The following ALOXE3 variants were observed in gnomAD, a reference collection of about 807,000 sequenced individuals.
ALOXE3 encodes the protein arachidonate epidermal lipoxygenase 3.
Under a neutral mutation model 87.5 loss-of-function variants are expected in ALOXE3, and 78 were observed. The ratio of observed to expected loss-of-function variants is 0.89; its 90% CI spans 0.74 to 1.08. The LOEUF (loss-of-function observed/expected upper bound fraction) is 1.08. Among genes scored for constraint, ALOXE3 ranks in the 50% least tolerant of loss-of-function variants. ALOXE3 has a pLI of 0.00. For missense variants in ALOXE3, 946 were observed against 912.4 expected, an observed-to-expected ratio of 1.04 and a Z score of -0.47; for synonymous variants, 363 against 370.8, an observed-to-expected ratio of 0.98 and a Z score of 0.24.
intron 2 of ALOXE3, 46 bp downstream of exon 2, chr17:8,117,797 GC>G: frequency 6.3e-7 from 1 of 1,594,018 alleles, no homozygotes. Context: ...CCCGCCTGCG[GC>G]CCCTGCCCCT....
At chr17:8,105,520 T>C (rs1322995098) in intron 13 of ALOXE3, among the ~76,000 whole-genome samples, 1 of 152,190 alleles carries the variant, frequency 6.6e-6, no homozygotes, top group African/African-American at 2.4e-5. Flanking sequence ...TCCAAAAGAA[T>C]GTTAAGCTCA....
At chr17:8,104,324 C>A (rs961801174) in intron 13 of ALOXE3, 109 bp from the exon 14 acceptor site, 19 of 813,994 alleles carry the variant, frequency 2.3e-5, no homozygotes, top group Non-Finnish European at 3.7e-5. Context: ...GTAGGGAACA[C>A]CGAGCCATGA....
At chr17:8,109,862 C>A in intron 11 of ALOXE3, 54 bp downstream of exon 11, 1 of 1,507,930 alleles carries the variant, frequency 6.6e-7, no homozygotes, top group South Asian at 1.2e-5. Context: ...GGGCGGGTAG[C>A]GGGGCAAAGC....
chr17:8,118,674 C>T, upstream of ALOXE3: 9 of 1,537,312 alleles, frequency 5.9e-6, no homozygotes, highest in African/African-American at 1.4e-5. Flanking sequence ...CCTCTTTGTC[C>T]CCAGCCTTTG....
intron 13 of ALOXE3, 118 bp downstream of exon 13, chr17:8,108,350 G>A (rs960933631): frequency 1.9e-5 from 27 of 1,440,384 alleles, no homozygotes; most frequent in Non-Finnish European, 2.4e-5. Flanking sequence ...TGCTAGTTGG[G>A]GATATTAATA....
At chr17:8,117,623 G>A (rs553538348) in intron 2 of ALOXE3, among the ~76,000 whole-genome samples, 19 of 152,188 alleles carry the variant, frequency 1.2e-4, no homozygotes, top group Non-Finnish European at 8.8e-5. Flanking sequence ...GGAGCCAGGG[G>A]AAGTCCCTCT....
At chr17:8,111,947 C>T in intron 7 of ALOXE3, 146 bp downstream of exon 7, 1 of 767,778 alleles carries the variant, frequency 1.3e-6, no homozygotes, top group Non-Finnish European at 2.3e-6. Context: ...TGGGAGATGC[C>T]ACCAGTGAAG....
chr17:8,102,900 A>G (rs1250156206), intron 15 of ALOXE3, among the ~76,000 whole-genome samples: 1 of 152,208 alleles, frequency 6.6e-6, no homozygotes, highest in East Asian at 1.9e-4. Flanking sequence ...AAATTAACAT[A>G]TAAGTAACTC....
At chr17:8,109,375 C>T (rs1191543500) in intron 11 of ALOXE3, 32 bp from the exon 12 acceptor site, 1 of 1,608,552 alleles carries the variant, frequency 6.2e-7, no homozygotes. Context: ...GCTCCCGGGC[C>T]GGCCCAATCC....
At chr17:8,104,022 C>G in intron 14 of ALOXE3, 93 bp downstream of exon 14, 1 of 1,103,272 alleles carries the variant, frequency 9.1e-7, no homozygotes, top group Non-Finnish European at 1.3e-6. Context: ...AAACCCACCC[C>G]AACGCTGACC....
chr17:8,097,355 C>T (rs1162840560), intron 15 of ALOXE3, among the ~76,000 whole-genome samples: 1 of 152,118 alleles, frequency 6.6e-6, no homozygotes, highest in African/African-American at 2.4e-5. Flanking sequence ...AAAGAACGAA[C>T]CACACCTTTC....
At chr17:8,117,277 G>A (rs1024682245) in intron 2 of ALOXE3, among the ~76,000 whole-genome samples, 1 of 152,170 alleles carries the variant, frequency 6.6e-6, no homozygotes, top group Admixed American at 6.5e-5. Context: ...AAAATTAGTC[G>A]GGCGTCGTGG....
intron 15 of ALOXE3, among the ~76,000 whole-genome samples, chr17:8,102,370 G>A (rs536296430): frequency 6.6e-6 from 1 of 152,270 alleles, no homozygotes; most frequent in Non-Finnish European, 1.5e-5. Context: ...GTGGGTGCCT[G>A]TAATCCCAGC....
rs746464811 is a variant in ALOXE3, at chr17:8,115,695, G to T, written c.353-7C>A. On this transcript the variant is annotated splice_region_variant and splice_polypyrimidine_tract_variant and intron_variant, in intron 3 of 15. Transcript: ENST00000448843. ...TCCTGACAAATAGTTCTTGCTGTGG[G>T]GAATGAAAATTACTCTTGGTATAAG... is the stretch of plus-strand genomic sequence containing the variant. 1 of 1,610,976 alleles carries T rather than the reference G, an allele frequency of 6.2e-7. No homozygotes were observed.
Position 8,109,223 on chromosome 17 carries a change from T to G in ALOXE3, c.1513A>C (p.Asn505His). The change falls in exon 12 of 16, where the codon AAC (asparagine) becomes CAC (histidine). Residue 505 changes from asparagine to histidine, a missense_variant. Transcript: ENST00000448843. ...AGGCCGTCGTCTCGGTAGTGGTAGT[T>G]GGGGATAGCCAGGACGCCGCGGGCC... ...LRARGVLAIP[N>H]YHYRDDGLKI... 6.2e-7 allele frequency: 1 copy of G among 1,613,876 alleles called. No individual in the cohort carries two copies. Among genetic ancestry groups the G allele is most frequent in the South Asian group, 1.1e-5 (1 of 91,072 alleles).
chr17:8,100,652 A>G (rs561337868), intron 15 of ALOXE3, among the ~76,000 whole-genome samples: 3 of 152,202 alleles, frequency 2.0e-5, no homozygotes, highest in Admixed American at 2.0e-4. Context: ...TATGTGGCCC[A>G]GGCTGAAGTG....
intron 12 of ALOXE3, 120 bp from the exon 13 acceptor site, chr17:8,108,709 AC>A: frequency 2.8e-6 from 4 of 1,445,718 alleles, no homozygotes; most frequent in Non-Finnish European, 1.9e-6. Context: ...TTCAGCAGGG[AC>A]CCCCAGGTGC....
In ALOXE3 at chr17:8,107,995, GAAGGA is replaced by G. The variant is rs1979617736; in HGVS notation, c.1684+468_1684+472del. ...GAGAGAGAGAGAGAAAGAAAGAAAGGAAGGAAAGAAAGAAAGAAAGAAAGAAAGAA... is the reference window on the plus strand; with the variant it reads ...GAGAGAGAGAGAGAAAGAAAGAAAGGAAGAAAGAAAGAAAGAAAGAAAGAA... On this transcript the variant is annotated intron_variant, in intron 13 of 15. Coordinates refer to ENST00000448843, the MANE Select transcript of ALOXE3 (RefSeq NM_021628.3). 7.0e-4 allele frequency among the ~76,000 whole-genome samples: 5 copies of G among 7,100 alleles called. 1 individual carries two copies. Among genetic ancestry groups the G allele is most frequent in the Non-Finnish European group, 1.5e-3 (4 of 2,714 alleles). 4.7% of individuals were successfully genotyped at this position (7,100 alleles called of 152,430 possible). A position where few individuals can be genotyped will look rare whatever the true frequency, so the allele number is the denominator to read the frequency against.
chr17:8,112,261 G>T (rs894505), intron 6 of ALOXE3, 65 bp from the exon 7 acceptor site: 2 of 1,219,414 alleles, frequency 1.6e-6, no homozygotes, highest in Admixed American at 3.4e-5. Context: ...ATCACTGTGT[G>T]CCCCTCTGCC....
Sources: allele counts gnomAD v4.1 joint callset (sites outside exome capture counted in the v4.1 genomes callset), GRCh38; gene constraint gnomAD v4.1.1; transcripts MANE v1.5; gene names NCBI Gene and HGNC (gene_info 2026-07-23, HGNC 2026-07-21).